The following PCDH9 variants were observed in gnomAD, a reference collection of about 807,000 sequenced individuals.
The protein encoded by PCDH9 is protocadherin 9.
PCDH9 carries 24 observed loss-of-function variants against 70.6 expected under a neutral mutation model. The observed-to-expected ratio is 0.34, with a 90% confidence interval of 0.25 to 0.48. The LOEUF (loss-of-function observed/expected upper bound fraction) is 0.48. Among genes scored for constraint, PCDH9 ranks in the 20% least tolerant of loss-of-function variants. The pLI, the probability that PCDH9 is intolerant of heterozygous loss-of-function variation, is 0.99. For synonymous variants in PCDH9, 562 were observed against 558.5 expected, an observed-to-expected ratio of 1.01 and a Z score of -0.09; for missense variants, 1,281 against 1,503.6, an observed-to-expected ratio of 0.85 and a Z score of 2.45.
intron 2 of PCDH9, among the ~76,000 whole-genome samples, chr13:66,993,310 T>C (rs1180097522): frequency 6.6e-6 from 1 of 152,200 alleles, no homozygotes; most frequent in African/African-American, 2.4e-5. Context: ...TGATATTTAC[T>C]TGGGATACTG....
chr13:66,824,692 A>ATATATATATATATATG (rs1316094273), intron 3 of PCDH9, among the ~76,000 whole-genome samples: 4 of 131,036 alleles, frequency 3.1e-5, no homozygotes, highest in African/African-American at 1.2e-4. Context: ...ATATATATAT[A>ATATATATATATATATG]TATATGCACA....
intron 2 of PCDH9, among the ~76,000 whole-genome samples, chr13:67,068,142 A>G (rs1045411600): frequency 6.6e-6 from 1 of 152,120 alleles, no homozygotes; most frequent in African/African-American, 2.4e-5. Flanking sequence ...TAGTGTTAAT[A>G]AGATCAGCAT....
intron 4 of PCDH9, among the ~76,000 whole-genome samples, chr13:66,402,421 T>A (rs1243762673): frequency 6.6e-6 from 1 of 152,026 alleles, no homozygotes; most frequent in Non-Finnish European, 1.5e-5. Flanking sequence ...ACATCCCTAA[T>A]ATCTATCTTA....
intron 3 of PCDH9, among the ~76,000 whole-genome samples, chr13:66,798,945 G>A (rs1363099881): frequency 1.3e-5 from 2 of 151,954 alleles, no homozygotes; most frequent in Non-Finnish European, 2.9e-5. Context: ...ATCCTGAGTA[G>A]CTGAGATTAC....
At chr13:67,092,338 C>A (rs1433808839) in intron 2 of PCDH9, among the ~76,000 whole-genome samples, 1 of 152,038 alleles carries the variant, frequency 6.6e-6, no homozygotes, top group Non-Finnish European at 1.5e-5. Flanking sequence ...GTTTTTGATT[C>A]TATAAATTAA....
chr13:66,384,222 C>T (rs1387549697), intron 4 of PCDH9, among the ~76,000 whole-genome samples: 4 of 151,904 alleles, frequency 2.6e-5, no homozygotes, highest in African/African-American at 9.7e-5. Flanking sequence ...TTGAATACAT[C>T]CAATTTTATA....
chr13:67,014,070 CAA>C (rs1442917824), intron 2 of PCDH9, among the ~76,000 whole-genome samples: 1 of 152,046 alleles, frequency 6.6e-6, no homozygotes, highest in African/African-American at 2.4e-5. Context: ...TTTTCCCATT[CAA>C]ATATGAAACT....
chr13:66,980,758 T>C (rs2083744822), intron 2 of PCDH9, among the ~76,000 whole-genome samples: 1 of 141,552 alleles, frequency 7.1e-6, no homozygotes, highest in Non-Finnish European at 1.5e-5. Flanking sequence ...TTTTTTACTA[T>C]TTTATATCCT....
At chr13:66,778,880 C>A (rs899139711) in intron 3 of PCDH9, among the ~76,000 whole-genome samples, 1 of 152,142 alleles carries the variant, frequency 6.6e-6, no homozygotes, top group Non-Finnish European at 1.5e-5. Flanking sequence ...CTTCTGATAA[C>A]ATAAAACATA....
intron 4 of PCDH9, among the ~76,000 whole-genome samples, chr13:66,580,632 C>T (rs1263944570): frequency 1.3e-5 from 2 of 151,596 alleles, no homozygotes; most frequent in African/African-American, 4.8e-5. Flanking sequence ...AAAAGATGTC[C>T]TTACCATTGA....
chr13:66,887,339 G>A (rs992442865), intron 3 of PCDH9, among the ~76,000 whole-genome samples: 1 of 151,142 alleles, frequency 6.6e-6, no homozygotes, highest in Non-Finnish European at 1.5e-5. Context: ...GAACCAAAAC[G>A]CCTGCTCATG....
chr13:66,637,822 G>C (rs2077658680), intron 3 of PCDH9, among the ~76,000 whole-genome samples: 1 of 151,850 alleles, frequency 6.6e-6, no homozygotes, highest in South Asian at 2.1e-4. Flanking sequence ...GCTTAAGCAG[G>C]AGAATGGCGT....
chr13:66,623,009 G>A (rs1032575619), intron 4 of PCDH9, among the ~76,000 whole-genome samples: 1 of 152,162 alleles, frequency 6.6e-6, no homozygotes, highest in African/African-American at 2.4e-5. Flanking sequence ...CACGGTGAAG[G>A]TCTGCAGCTT....
chr13:66,463,685 A>G (rs1958466086), intron 4 of PCDH9, among the ~76,000 whole-genome samples: 1 of 151,750 alleles, frequency 6.6e-6, no homozygotes. Context: ...TAAACATTTG[A>G]AAGAAAATGT....
chr13:66,527,086 A>C (rs897782436), intron 4 of PCDH9, among the ~76,000 whole-genome samples: 1 of 152,134 alleles, frequency 6.6e-6, no homozygotes, highest in Non-Finnish European at 1.5e-5. Flanking sequence ...CTAGCACCTA[A>C]CCTCTGCAAA....
At chr13:66,638,679 T>C (rs1471579729) in intron 3 of PCDH9, among the ~76,000 whole-genome samples, 1 of 152,196 alleles carries the variant, frequency 6.6e-6, no homozygotes, top group Non-Finnish European at 1.5e-5. Flanking sequence ...TGACATGTTA[T>C]GAGCTTACAG....
intron 3 of PCDH9, among the ~76,000 whole-genome samples, chr13:66,714,289 C>T (rs1025605562): frequency 6.6e-6 from 1 of 151,818 alleles, no homozygotes; most frequent in Non-Finnish European, 1.5e-5. Context: ...CACTGTGAAA[C>T]CCCATCTCCA....
chr13:66,955,980 T>C (rs1264628329), intron 2 of PCDH9, among the ~76,000 whole-genome samples: 1 of 152,178 alleles, frequency 6.6e-6, no homozygotes, highest in Non-Finnish European at 1.5e-5. Flanking sequence ...CCAGTGCCTG[T>C]AATCCCAGCT....
chr13:66,476,676 C>T (rs1958736981), intron 4 of PCDH9, among the ~76,000 whole-genome samples: 1 of 151,902 alleles, frequency 6.6e-6, no homozygotes, highest in Non-Finnish European at 1.5e-5. Context: ...TAAAGCCCAG[C>T]AAACTAGATG....
Sources: gnomAD v4.1 joint callset for allele counts (sites outside exome capture counted in the v4.1 genomes callset) on GRCh38, gnomAD v4.1.1 for gene constraint, MANE v1.5 for transcripts, NCBI Gene and HGNC (gene_info 2026-07-23, HGNC 2026-07-21) for gene names.